CRISPLD2: variants seen among roughly 807,000 people sequenced by gnomAD.
The protein encoded by CRISPLD2 is cysteine rich secretory protein LCCL domain containing 2.
CRISPLD2 carries 47 observed loss-of-function variants against 71.1 expected under a neutral mutation model. That is an observed-to-expected ratio of 0.66 (90% CI 0.52 to 0.84). The LOEUF (loss-of-function observed/expected upper bound fraction) is 0.84, where lower values mean the gene tolerates loss of function less well. Among genes scored for constraint, CRISPLD2 ranks in the 40% least tolerant of loss-of-function variants. The pLI, the probability that CRISPLD2 is intolerant of heterozygous loss-of-function variation, is 0.00. For missense variants in CRISPLD2, 830 were observed against 651.1 expected (o/e 1.27, Z -2.99); for synonymous variants, 317 against 250.1 (o/e 1.27, Z -2.52).
chr16:84,872,420 C>G (rs192547375), intron 8 of CRISPLD2, 22 bp from the exon 9 acceptor site: 3 of 1,606,168 alleles, frequency 1.9e-6, no homozygotes, highest in Non-Finnish European at 8.5e-7. Context: ...CTCTGAACAT[C>G]ATTTTATTTC....
At chr16:84,866,227 T>G (rs1597466412) in intron 6 of CRISPLD2, among the ~76,000 whole-genome samples, 1 of 90,412 alleles carries the variant, frequency 1.1e-5, no homozygotes, top group African/African-American at 4.1e-5. Flanking sequence ...GCCGAGGCAG[T>G]TTTGTTTTTT....
chr16:84,863,798 G>A (rs1393797968), intron 6 of CRISPLD2, among the ~76,000 whole-genome samples: 2 of 151,884 alleles, frequency 1.3e-5, no homozygotes, highest in African/African-American at 2.4e-5. Flanking sequence ...GAGAAACCCA[G>A]TCACTACTAA....
At chr16:84,906,533 T>C in intron 14 of CRISPLD2, 55 bp from the exon 15 acceptor site, 2 of 1,595,368 alleles carry the variant, frequency 1.3e-6, no homozygotes, top group Non-Finnish European at 1.7e-6. Context: ...CCAGAGTCCC[T>C]GCAGGAGGCC....
intron 10 of CRISPLD2, 24 bp downstream of exon 10, chr16:84,873,146 C>T (rs373572693): frequency 3.7e-6 from 6 of 1,601,200 alleles, no homozygotes; most frequent in South Asian, 1.1e-5. Context: ...GATCGGGGCT[C>T]TGTGAAACGG....
At chr16:84,857,651 G>A (rs1006582134) in intron 6 of CRISPLD2, among the ~76,000 whole-genome samples, 11 of 152,148 alleles carry the variant, frequency 7.2e-5, no homozygotes, top group African/African-American at 1.4e-4. Flanking sequence ...CTGTACTGCC[G>A]CAGCTGTCCA....
At chr16:84,849,614 G>A (rs922316860) in intron 4 of CRISPLD2, 97 bp downstream of exon 4, 15 of 1,317,336 alleles carry the variant, frequency 1.1e-5, no homozygotes, top group African/African-American at 2.9e-5. Flanking sequence ...AAGCCTCTGC[G>A]CTGTTGTTGC....
At chr16:84,825,274 G>A (rs760108971) in intron 1 of CRISPLD2, among the ~76,000 whole-genome samples, 1 of 149,120 alleles carries the variant, frequency 6.7e-6, no homozygotes, top group Admixed American at 6.7e-5. Context: ...TCAGAGTGGG[G>A]GCCAGCAGCC....
intron 8 of CRISPLD2, among the ~76,000 whole-genome samples, chr16:84,869,248 A>G (rs556359899): frequency 6.6e-6 from 1 of 152,242 alleles, no homozygotes; most frequent in East Asian, 1.9e-4. Context: ...TCTGCCAAAA[A>G]GAACGCATTT....
chr16:84,854,608 A>G (rs1445084102), intron 5 of CRISPLD2, 121 bp from the exon 6 acceptor site: 3 of 732,328 alleles, frequency 4.1e-6, no homozygotes, highest in South Asian at 3.2e-5. Context: ...ACAGCACACA[A>G]CCTTCCCCCC....
chr16:84,878,080 C>T (rs530192196), intron 12 of CRISPLD2, among the ~76,000 whole-genome samples: 6 of 149,740 alleles, frequency 4.0e-5, no homozygotes, highest in Middle Eastern at 3.5e-3. Context: ...AAAAATTAGC[C>T]GGGCGTGGTG....
chr16:84,850,856 C>G (rs530389046), intron 5 of CRISPLD2, among the ~76,000 whole-genome samples, 173 bp downstream of exon 5: 47 of 152,244 alleles, frequency 3.1e-4, no homozygotes, highest in African/African-American at 1.1e-3. Context: ...TCAACAAGGA[C>G]TCGGGTTCTT....
intron 14 of CRISPLD2, among the ~76,000 whole-genome samples, chr16:84,896,888 G>A (rs1483804978): frequency 6.6e-6 from 1 of 152,222 alleles, no homozygotes; most frequent in Admixed American, 6.5e-5. Context: ...CGTCCTTTTA[G>A]TGCTGGCTTC....
chr16:84,838,338 G>A, intron 1 of CRISPLD2, 84 bp from the exon 2 acceptor site: 1 of 817,342 alleles, frequency 1.2e-6, no homozygotes, highest in South Asian at 1.7e-5. Context: ...AGAGAGTCGT[G>A]TGTGCTGCGT....
intron 11 of CRISPLD2, among the ~76,000 whole-genome samples, chr16:84,876,963 C>G (rs2071524280): frequency 6.6e-6 from 1 of 152,106 alleles, no homozygotes; most frequent in Admixed American, 6.6e-5. Context: ...GATGAATGTG[C>G]CTTGATTAGC....
At chr16:84,855,131 C>T (rs577043937) in intron 6 of CRISPLD2, among the ~76,000 whole-genome samples, 4 of 152,200 alleles carry the variant, frequency 2.6e-5, no homozygotes, top group South Asian at 2.1e-4. Flanking sequence ...TGCTCACCCT[C>T]GTTAGCATTC....
intron 14 of CRISPLD2, among the ~76,000 whole-genome samples, chr16:84,890,358 CA>C (rs1016476884): frequency 3.8e-4 from 51 of 135,370 alleles, no homozygotes; most frequent in Non-Finnish European, 3.7e-4. Context: ...GACTCCATCT[CA>C]AAAAAAAAAA....
chr16:84,889,097 A>T (rs2071638206), intron 13 of CRISPLD2, 133 bp from the exon 14 acceptor site: 2 of 1,043,960 alleles, frequency 1.9e-6, no homozygotes, highest in South Asian at 1.4e-5. Context: ...GGTAGTGATG[A>T]TTATTTCCTA....
chr16:84,881,781 A>G (rs2071570705), intron 13 of CRISPLD2, among the ~76,000 whole-genome samples: 1 of 152,004 alleles, frequency 6.6e-6, no homozygotes, highest in African/African-American at 2.4e-5. Flanking sequence ...CGGCCTCCAG[A>G]TAGAGCTTTA....
chr16:84,865,948 G>A (rs897333800), intron 6 of CRISPLD2, among the ~76,000 whole-genome samples: 1 of 152,164 alleles, frequency 6.6e-6, no homozygotes, highest in Non-Finnish European at 1.5e-5. Context: ...TTGTTCTTTC[G>A]GATAGTTGGA....
Sources: gnomAD v4.1 joint callset for allele counts (sites outside exome capture counted in the v4.1 genomes callset) on GRCh38, gnomAD v4.1.1 for gene constraint, MANE v1.5 for transcripts, NCBI Gene and HGNC (gene_info 2026-07-23, HGNC 2026-07-21) for gene names.